TEX11: variants seen among roughly 807,000 people sequenced by gnomAD.
TEX11 encodes testis-expressed protein 11.
Under a neutral mutation model 84.4 loss-of-function variants are expected in TEX11, and 7 were observed. That is an observed-to-expected ratio of 0.08 (90% CI 0.05 to 0.16). The LOEUF is 0.16. Ranked by LOEUF, TEX11 falls within the 10% of genes least tolerant of loss-of-function variation. The pLI is 1.00. For missense variants in TEX11, 551 were observed against 660.5 expected (o/e 0.83, Z 1.82); for synonymous variants, 264 against 222.8 (o/e 1.18, Z -1.64).
intron 8 of TEX11, among the ~76,000 whole-genome samples, chrX:70,813,590 T>G (rs2091269956): frequency 9.0e-6 from 1 of 111,224 alleles, no homozygotes; most frequent in African/African-American, 3.3e-5. Context: ...TGTTGGAAGT[T>G]CTGGCCAGGG....
chrX:70,534,862 C>G lies in TEX11; in HGVS notation c.2521-4863G>C, dbSNP rs193116406. On this transcript the variant is annotated intron_variant, in intron 28 of 29. Coordinates refer to ENST00000374333, the MANE Select transcript of TEX11 (RefSeq NM_031276.3). ...AGTATTCACAGAGTTCTGCCACCAT[C>G]ATCACAATCAATTATGGAATATTTT... is the stretch of plus-strand genomic sequence containing the variant. 6.3e-5 allele frequency among the ~76,000 whole-genome samples: 7 copies of G among 111,893 alleles called. No individual in the cohort carries two copies. The East Asian group carries it at 2.0e-3, about 32-fold the overall frequency.
intron 9 of TEX11, among the ~76,000 whole-genome samples, chrX:70,756,908 T>C (rs929761688): frequency 3.6e-5 from 4 of 111,580 alleles, no homozygotes; most frequent in African/African-American, 1.3e-4. Context: ...GAATAAACAG[T>C]GTAGAGAAGA....
chrX:70,810,579 T>C (rs1354570687), intron 8 of TEX11, among the ~76,000 whole-genome samples: 2 of 110,587 alleles, frequency 1.8e-5, no homozygotes, highest in East Asian at 2.8e-4. Context: ...CACTCATAAG[T>C]GGGAGCTGAA....
intron 9 of TEX11, among the ~76,000 whole-genome samples, chrX:70,799,372 A>T (rs1021737653): frequency 8.9e-6 from 1 of 111,997 alleles, no homozygotes; most frequent in Non-Finnish European, 1.9e-5. Flanking sequence ...GAAATTCACA[A>T]GATTACTTTT....
intron 25 of TEX11, among the ~76,000 whole-genome samples, chrX:70,568,065 G>C (rs374014998): frequency 2.5e-4 from 28 of 111,435 alleles, no homozygotes; most frequent in Non-Finnish European, 3.4e-4. Flanking sequence ...TCACTCAGGA[G>C]TTGCTTTATG....
At chrX:70,517,669 A>G in the TEX11 span, among the ~76,000 whole-genome samples, 1 of 110,838 alleles carries the variant, frequency 9.0e-6, no homozygotes, top group Admixed American at 9.6e-5. Context: ...TTCTTTTTCT[A>G]TTGATTGGAA....
chrX:70,526,184 GTTAATCAGCCAGGCTTCTCAATGT>G (rs1001123668), downstream of TEX11, among the ~76,000 whole-genome samples: 1 of 111,913 alleles, frequency 8.9e-6, no homozygotes, highest in Non-Finnish European at 1.9e-5. Context: ...AATATCGGAG[GTTAATCAGCCAGGCTTCTCAATGT>G]TGAAAGAGTT....
At chrX:70,526,473 G>A (rs1378629019), downstream of TEX11, among the ~76,000 whole-genome samples, 1 of 109,784 alleles carries the variant, frequency 9.1e-6, no homozygotes, top group Non-Finnish European at 1.9e-5. Context: ...GGAGGTTGAG[G>A]CAGGAGAATC....
chrX:70,515,322 C>G, the TEX11 span, among the ~76,000 whole-genome samples: 1 of 103,951 alleles, frequency 9.6e-6, no homozygotes, highest in African/African-American at 3.6e-5. Flanking sequence ...ACACTGTGTC[C>G]GAGTCTTCTC....
At chrX:70,786,910 G>T (rs746658406) in intron 9 of TEX11, among the ~76,000 whole-genome samples, 1 of 111,572 alleles carries the variant, frequency 9.0e-6, no homozygotes, top group Non-Finnish European at 1.9e-5. Context: ...CAAAGCGGGC[G>T]GATTGCCTGA....
In TEX11 at chrX:70,529,093, G is replaced by C; in HGVS notation, c.*2C>G. The C allele has an allele frequency of 2.5e-6, 3 of 1,203,039 alleles. No individual in the cohort carries two copies. Among genetic ancestry groups the C allele is most frequent in the Non-Finnish European group, 3.4e-6 (3 of 887,864 alleles). ...ATCTTCTTCATGTGGCCATGAGCTT[G>C]CCTAATCTGACTTGCTCCAGTAGCC... On this transcript the variant is annotated 3_prime_UTR_variant, in exon 30 of 30. Transcript: ENST00000374333.
rs761329188 is a variant in TEX11, at chrX:70,879,997, T to A, written c.150A>T (p.Thr50=). 6.7e-6 allele frequency: 8 copies of A among 1,188,014 alleles called. No individual in the cohort carries two copies. The East Asian group carries it at 2.4e-4, about 36-fold the overall frequency. Residue 50 remains threonine, a synonymous_variant, in exon 3 of 30, where the codon ACA becomes ACT. Transcript: ENST00000374333. ...TTATTTTTATACTAACCTGAATGTC[T>A]GTTATTTCAGCCATAGACTCCCTGT... ...NINRESMAEI[T]DIQIEEMAVN...
chrX:70,797,052 G>C (rs1257635184), intron 9 of TEX11, among the ~76,000 whole-genome samples: 4 of 112,257 alleles, frequency 3.6e-5, no homozygotes, highest in Non-Finnish European at 5.6e-5. Flanking sequence ...AAAGCAGTTT[G>C]GAGATTTCTC....
chrX:70,861,866 A>G (rs1249616348), intron 4 of TEX11, among the ~76,000 whole-genome samples: 1 of 112,101 alleles, frequency 8.9e-6, no homozygotes, highest in Non-Finnish European at 1.9e-5. Flanking sequence ...TGTGTATACC[A>G]TGTTAACAGA....
chrX:70,756,066 G>A (rs1357478520), intron 9 of TEX11, among the ~76,000 whole-genome samples: 1 of 112,046 alleles, frequency 8.9e-6, no homozygotes, highest in African/African-American at 3.2e-5. Context: ...GCTGAGGCTT[G>A]AGTAGGCGGT....
chrX:70,718,892 C>T (rs2090531231), intron 13 of TEX11, among the ~76,000 whole-genome samples: 1 of 111,619 alleles, frequency 9.0e-6, no homozygotes, highest in Admixed American at 9.5e-5. Flanking sequence ...AAGGCTGAGG[C>T]CTTCTGACTA....
At chrX:70,723,902 T>C (rs1158041257) in intron 12 of TEX11, among the ~76,000 whole-genome samples, 1 of 111,821 alleles carries the variant, frequency 8.9e-6, no homozygotes, top group Non-Finnish European at 1.9e-5. Flanking sequence ...TCATATATTC[T>C]TTCAATGCAA....
intron 28 of TEX11, 76 bp downstream of exon 28, chrX:70,552,050 G>C (rs2088221453): frequency 1.2e-5 from 12 of 1,030,831 alleles, no homozygotes; most frequent in Non-Finnish European, 1.5e-5. Flanking sequence ...AAGCATTATT[G>C]TATATAATTT....
intron 9 of TEX11, among the ~76,000 whole-genome samples, chrX:70,794,138 C>T (rs1196685292): frequency 9.0e-6 from 1 of 111,694 alleles, no homozygotes; most frequent in Non-Finnish European, 1.9e-5. Flanking sequence ...TTGAATTGCC[C>T]ACACCATCCC....
Sources: gnomAD v4.1 joint callset for allele counts (sites outside exome capture counted in the v4.1 genomes callset) on GRCh38, gnomAD v4.1.1 for gene constraint, MANE v1.5 for transcripts, NCBI Gene and HGNC (gene_info 2026-07-23, HGNC 2026-07-21) for gene names.